CIAPIN1: variants seen among roughly 807,000 people sequenced by gnomAD.
CIAPIN1 encodes the protein anamorsin.
CIAPIN1 carries 18 observed loss-of-function variants against 34.3 expected under a neutral mutation model. The observed-to-expected ratio is 0.52, with a 90% CI of 0.36 to 0.78. The LOEUF (loss-of-function observed/expected upper bound fraction) is 0.78. Ranked by LOEUF, CIAPIN1 falls within the 30% of genes least tolerant of loss-of-function variation. The pLI, the probability that CIAPIN1 is intolerant of heterozygous loss-of-function variation, is 0.00. For missense variants in CIAPIN1, 310 were observed against 372.5 expected, an observed-to-expected ratio of 0.83 and a Z score of 1.38; for synonymous variants, 131 against 140.4, an observed-to-expected ratio of 0.93 and a Z score of 0.47.
At chr16:57,441,088 A>T in intron 1 of CIAPIN1, 105 bp from the exon 2 acceptor site, 1 of 661,416 alleles carries the variant, frequency 1.5e-6, no homozygotes, top group Non-Finnish European at 2.5e-6. Flanking sequence ...ACAACATTAG[A>T]AACTCTACTG....
In CIAPIN1 at chr16:57,436,586, G is replaced by C. The variant is rs572598714; in HGVS notation, c.387+70C>G. ...GTATCTTACATGCACAGCATTTCTT[G>C]TTTCCTAGTTCTAAGCAATACTGAT... On this transcript the variant is annotated intron_variant, in intron 4 of 8. Transcript: ENST00000394391. The C allele has an allele frequency of 7.1e-5, 84 of 1,179,616 alleles. No individual in the cohort carries two copies. In the East Asian group the frequency reaches 2.0e-3, roughly 28 times the overall value. The allele number at this position is 1,179,616 out of a possible 1,614,324, so 73.1% of individuals were successfully genotyped here.
At position 57,430,239 on chromosome 16, in the gene CIAPIN1, G is replaced by A; in HGVS notation, c.828+19C>T. The A allele has an allele frequency of 6.2e-7, 1 of 1,607,810 alleles. No individual in the cohort carries two copies. The highest frequency in any genetic ancestry group is 1.1e-5 in the South Asian group (1 of 90,972). ...CCCCTGGGGGTTTGTGAATGCTGAG[G>A]AATGATCCTGATATTTACGTTTCCA... On this transcript the variant is annotated intron_variant, in intron 8 of 8. Transcript: ENST00000394391.
chr16:57,430,421 A>G (rs1289582408), intron 7 of CIAPIN1, 82 bp from the exon 8 acceptor site: 2 of 1,338,178 alleles, frequency 1.5e-6, no homozygotes, highest in African/African-American at 2.9e-5. Flanking sequence ...AATGTGCTTT[A>G]AGCCTTTTCT....
intron 4 of CIAPIN1, among the ~76,000 whole-genome samples, chr16:57,435,458 T>C (rs1218442655): frequency 3.3e-5 from 5 of 151,966 alleles, no homozygotes; most frequent in Non-Finnish European, 5.9e-5. Flanking sequence ...AACCTTAAGC[T>C]AAAAGGAAAA....
At chr16:57,430,197 TAGA>T in intron 8 of CIAPIN1, 58 bp downstream of exon 8, 1 of 1,402,906 alleles carries the variant, frequency 7.1e-7, no homozygotes, top group South Asian at 1.2e-5. Context: ...GTGTTTAGTT[TAGA>T]AGAAGGTCTA....
chr16:57,440,677 C>T (rs1447304960), intron 2 of CIAPIN1, 95 bp downstream of exon 2: 1 of 1,407,944 alleles, frequency 7.1e-7, no homozygotes, highest in African/African-American at 1.4e-5. Flanking sequence ...ACATGCCACC[C>T]TAAATGAAAA....
intron 8 of CIAPIN1, among the ~76,000 whole-genome samples, chr16:57,429,503 TG>T (rs1903031726): frequency 6.6e-6 from 1 of 152,102 alleles, no homozygotes; most frequent in Non-Finnish European, 1.5e-5. Context: ...CTTTTTTTTT[TG>T]TTTTTGAGAT....
chr16:57,435,687 G>C (rs138169832), intron 4 of CIAPIN1, among the ~76,000 whole-genome samples: 2,842 of 152,236 alleles, frequency 0.019, 31 homozygotes, highest in South Asian at 0.031. Flanking sequence ...CCAGCTACTC[G>C]GGAGGCTCAG....
intron 7 of CIAPIN1, among the ~76,000 whole-genome samples, chr16:57,430,831 T>G (rs1903069870): frequency 6.6e-6 from 1 of 151,972 alleles, no homozygotes. Flanking sequence ...CATGCTGGAG[T>G]GCAGTGGCAC....
rs1903005453 is a variant in CIAPIN1 at position 57,428,479 on chromosome 16, T to C, written c.*691A>G. The C allele has an allele frequency of 6.6e-6, 1 of 152,254 alleles. No homozygotes were observed. Among genetic ancestry groups the C allele is most frequent in the Non-Finnish European group, 1.5e-5 (1 of 68,066 alleles). The allele number at this position is 152,254 out of a possible 1,614,324, so 9.4% of individuals were successfully genotyped here. On this transcript the variant is annotated 3_prime_UTR_variant, in exon 9 of 9. Coordinates refer to ENST00000394391, the MANE Select transcript of CIAPIN1 (RefSeq NM_020313.4). ...TTCCTCCAATGGTCCAAACTGAGCG[T>C]GGATGACTATCCAACATCACACACA... is the stretch of plus-strand genomic sequence containing the variant.
At chr16:57,431,048 C>T in intron 7 of CIAPIN1, 103 bp downstream of exon 7, 1 of 650,752 alleles carries the variant, frequency 1.5e-6, no homozygotes, top group Non-Finnish European at 2.7e-6. Context: ...CTGTGTTGCC[C>T]AGCCTGGAAA....
intron 7 of CIAPIN1, among the ~76,000 whole-genome samples, 174 bp downstream of exon 7, chr16:57,430,977 T>C (rs1173100690): frequency 7.3e-5 from 11 of 151,524 alleles, no homozygotes; most frequent in African/African-American, 2.4e-4. Flanking sequence ...GGACCACAGG[T>C]ACATACCACC....
chr16:57,440,151 G>C (rs1903296083), intron 2 of CIAPIN1, among the ~76,000 whole-genome samples: 1 of 152,136 alleles, frequency 6.6e-6, no homozygotes, highest in Non-Finnish European at 1.5e-5. Flanking sequence ...TGCAGATAAG[G>C]GATGAAATAA....
rs907104133 is a variant in CIAPIN1 at position 57,447,370 on chromosome 16, C to T, written c.-84G>A. ...CCGCCTGGGCTCGCTCCCGGCTTCT[C>T]TCCAGCCGTCGACTCCACGCCTTGC... is the stretch of plus-strand genomic sequence containing the variant. On this transcript the variant is annotated 5_prime_UTR_variant, in exon 1 of 9. Transcript: ENST00000394391. The T allele has an allele frequency of 3.5e-6, 3 of 851,530 alleles. No homozygotes were observed. The highest frequency in any genetic ancestry group is 3.1e-6 in the Non-Finnish European group (2 of 639,588). 52.7% of individuals were successfully genotyped at this position (851,530 alleles called of 1,614,324 possible). A position where few individuals can be genotyped will look rare whatever the true frequency, so the allele number is the denominator to read the frequency against.
At chr16:57,436,951 T>C (rs943414903) in intron 3 of CIAPIN1, among the ~76,000 whole-genome samples, 9 of 151,724 alleles carry the variant, frequency 5.9e-5, no homozygotes, top group Non-Finnish European at 1.2e-4. Flanking sequence ...CAAAATCCCG[T>C]CTCTACTAAA....
chr16:57,429,677 A>G (rs1903038960), intron 8 of CIAPIN1, among the ~76,000 whole-genome samples: 1 of 152,000 alleles, frequency 6.6e-6, no homozygotes, highest in African/African-American at 2.4e-5. Flanking sequence ...TATTTTTAGT[A>G]GAGACGGGGT....
intron 7 of CIAPIN1, chr16:57,430,682 T>A (rs1903066849): frequency 3.4e-6 from 1 of 290,740 alleles, no homozygotes; most frequent in Admixed American, 4.6e-5. Context: ...TTTCCTGATT[T>A]GTAAATGCTG....
In CIAPIN1 at chr16:57,439,331, G is replaced by A. The variant is rs1598027252; in HGVS notation, c.161C>T (p.Ala54Val). Residue 54 changes from alanine to valine, a missense_variant, in exon 3 of 9, where the codon GCC becomes GTC. By Grantham distance (64) the Ala-to-Val change is moderately conservative. Coordinates refer to ENST00000394391, the MANE Select transcript of CIAPIN1 (RefSeq NM_020313.4). ...VENIKQLLQS[A>V]HKESSFDIIL... ...AATGTCAAAGCTGGATTCTTTGTGGGCAGCTGAAAAGAAGAGGACTCTAAT... is the reference window on the plus strand; with the variant it reads ...AATGTCAAAGCTGGATTCTTTGTGGACAGCTGAAAAGAAGAGGACTCTAAT... 5 of 1,614,096 alleles carry A rather than the reference G, an allele frequency of 3.1e-6. No homozygotes were observed. Among genetic ancestry groups the A allele is most frequent in the Non-Finnish European group, 4.2e-6 (5 of 1,180,000 alleles).
At chr16:57,445,845 T>TG (rs1483267105) in intron 1 of CIAPIN1, among the ~76,000 whole-genome samples, 12 of 132,696 alleles carry the variant, frequency 9.0e-5, no homozygotes, top group Non-Finnish European at 1.4e-4. Flanking sequence ...TTTTTTTTTT[T>TG]TTTTTTTTTT....
Sources: gnomAD v4.1 joint callset for allele counts (sites outside exome capture counted in the v4.1 genomes callset) on GRCh38, gnomAD v4.1.1 for gene constraint, MANE v1.5 for transcripts, NCBI Gene and HGNC (gene_info 2026-07-23, HGNC 2026-07-21) for gene names.